Variants in ZNF551 observed in about 807,000 individuals in gnomAD.
ZNF551 encodes the protein zinc finger protein 551, also known as KOX 23 protein (56 AA).
Under a neutral mutation model 7.9 loss-of-function variants are expected in ZNF551, and 5 were observed. The ratio of observed to expected loss-of-function variants is 0.63; its 90% CI spans 0.33 to 1.33. The LOEUF is 1.33. Ranked by LOEUF, ZNF551 falls within the 40% of genes most tolerant of loss-of-function variation. ZNF551 has a pLI of 0.05. For missense variants in ZNF551, 788 were observed against 825.2 expected (o/e 0.95, Z 0.55); for synonymous variants, 287 against 277.3 (o/e 1.03, Z -0.35).
At position 57,688,400 on chromosome 19, in the gene ZNF551, A is replaced by G; in HGVS notation, c.*112A>G. ...GCACCCACAGTGGGGTATTCTTCAT[A>G]AGTTTCAGGTATGTGGGAAGCTCTG... On this transcript the variant is annotated 3_prime_UTR_variant, in exon 3 of 3. Transcript: ENST00000282296. 1 of 1,413,718 alleles carries G rather than the reference A, an allele frequency of 7.1e-7. No individual in the cohort carries two copies. The allele number at this position is 1,413,718 out of a possible 1,614,324, so 87.6% of individuals were successfully genotyped here.
intron 2 of ZNF551, 71 bp from the exon 3 acceptor site, chr19:57,686,410 C>T: frequency 6.4e-7 from 1 of 1,557,970 alleles, no homozygotes; most frequent in East Asian, 2.3e-5. Context: ...GTGTCTCACA[C>T]ATTTTTGTGA....
In ZNF551 at chr19:57,690,506, G is replaced by A. The variant is rs1341250226; in HGVS notation, c.*2218G>A. ...TTTCTTCATGCTGTATAATTATTTT[G>A]AGATTCAAAAATGATGAATCTTTGT... On this transcript the variant is annotated 3_prime_UTR_variant, in exon 3 of 3. Coordinates refer to ENST00000282296, the MANE Select transcript of ZNF551 (RefSeq NM_138347.5). The A allele has an allele frequency of 6.6e-6, 1 of 151,884 alleles. No individual in the cohort carries two copies. Among genetic ancestry groups the A allele is most frequent in the Non-Finnish European group, 1.5e-5 (1 of 67,998 alleles). The allele number at this position is 151,884 out of a possible 1,614,324, so 9.4% of individuals were successfully genotyped here. A position where few individuals can be genotyped will look rare whatever the true frequency, so the allele number is the denominator to read the frequency against.
intron 1 of ZNF551, among the ~76,000 whole-genome samples, chr19:57,682,457 G>T (rs186166867): frequency 6.6e-6 from 1 of 151,934 alleles, no homozygotes; most frequent in African/African-American, 2.4e-5. Flanking sequence ...CGACTAAGCT[G>T]GGGGGGATTC....
In ZNF551 at chr19:57,685,341, A is replaced by T; in HGVS notation, c.161A>T (p.Tyr54Phe). Residue 54 changes from tyrosine (Y) to phenylalanine (F), a missense_variant, in exon 2 of 3, where the codon TAC (tyrosine) becomes TTC (phenylalanine). Transcript: ENST00000282296. ...CTTGATGAGTCTCAGAGGTTCCTGTACTGCGATGTGATGCTGGAGAACTTT... is the reference window on the plus strand; with the variant it reads ...CTTGATGAGTCTCAGAGGTTCCTGTTCTGCGATGTGATGCTGGAGAACTTT... ...ELLDESQRFL[Y>F]CDVMLENFAH... The T allele has an allele frequency of 6.2e-7, 1 of 1,614,166 alleles. No individual in the cohort carries two copies. The highest frequency in any genetic ancestry group is 8.5e-7 in the Non-Finnish European group (1 of 1,180,006).
In ZNF551 at chr19:57,688,151, C is replaced by T; in HGVS notation, c.1876C>T (p.His626Tyr). The part of the protein sequence containing the change: ...ECSQCGKPFT[H>Y]KSDLIQHQRV... ...CAGTCAATGTGGGAAACCCTTTACC[C>T]ACAAATCAGACCTTATTCAGCACCA... Residue 626 changes from histidine to tyrosine, a missense_variant, in exon 3 of 3, where the codon CAC becomes TAC. His to Tyr is a moderately conservative substitution (Grantham distance 83, BLOSUM62 2). Coordinates refer to ENST00000282296, the MANE Select transcript of ZNF551 (RefSeq NM_138347.5). 1 of 1,613,894 alleles carries T rather than the reference C, an allele frequency of 6.2e-7. No homozygotes were observed. The highest frequency in any genetic ancestry group is 8.5e-7 in the Non-Finnish European group (1 of 1,179,970).
At position 57,687,162 on chromosome 19, in the gene ZNF551, TACAC is replaced by T; in HGVS notation, c.889_892del (p.His297ArgfsTer2). The T allele has an allele frequency of 6.2e-7, 1 of 1,614,180 alleles. No individual in the cohort carries two copies. The highest frequency in any genetic ancestry group is 8.5e-7 in the Non-Finnish European group (1 of 1,180,036). ...TTTAGCAAAAAGTGCCACCTAATCT[TACAC>T]AAGATAATTCACACTGGAGAAAGGC... On this transcript the variant is annotated frameshift_variant, in exon 3 of 3. Transcript: ENST00000282296. LOFTEE classifies it low-confidence loss of function (END_TRUNC).
At position 57,687,080 on chromosome 19, in the gene ZNF551, C is replaced by T. The variant is rs1305047852; in HGVS notation, c.805C>T (p.His269Tyr). 2 of 1,614,212 alleles carry T rather than the reference C, an allele frequency of 1.2e-6. No homozygotes were observed. Among genetic ancestry groups the T allele is most frequent in the Middle Eastern group, 1.6e-4 (1 of 6,062 alleles). ...AFTCKNTLVQ[H>Y]QQIHTGQKMF... is the part of the protein sequence containing the mutation. ...CACTTGCAAGAACACACTTGTTCAG[C>T]ACCAGCAAATTCACACTGGACAAAA... The change falls in exon 3 of 3, where the codon CAC (histidine) becomes TAC (tyrosine). Residue 269 changes from histidine (H) to tyrosine (Y), a missense_variant. His to Tyr is a moderately conservative substitution (Grantham distance 83, BLOSUM62 2). Coordinates refer to ENST00000282296, the MANE Select transcript of ZNF551 (RefSeq NM_138347.5).
Position 57,687,253 on chromosome 19 carries a change from G to C in ZNF551, c.978G>C (p.Gln326His). ...FIHKSEFIHH[Q>H]RRHTGGVRHE... ...ATAAATCTGAATTCATTCACCACCAGAGACGTCACACTGGAGGAGTGCGTC... is the reference window on the plus strand; with the variant it reads ...ATAAATCTGAATTCATTCACCACCACAGACGTCACACTGGAGGAGTGCGTC... Residue 326 changes from glutamine (Q) to histidine (H), a missense_variant, in exon 3 of 3, where the codon CAG (glutamine) becomes CAC (histidine). By Grantham distance (24) the Gln-to-His change is conservative (BLOSUM62 0). Transcript: ENST00000282296. 6.2e-7 allele frequency: 1 copy of C among 1,614,188 alleles called. No individual in the cohort carries two copies.
Position 57,688,462 on chromosome 19 carries a change from A to G in ZNF551, c.*174A>G, listed in dbSNP as rs1449832992. 12 of 897,174 alleles carry G rather than the reference A, an allele frequency of 1.3e-5. No individual in the cohort carries two copies. Among genetic ancestry groups the G allele is most frequent in the African/African-American group, 3.4e-5 (2 of 59,096 alleles). 55.6% of individuals were successfully genotyped at this position (897,174 alleles called of 1,614,324 possible). ...TGTAATTTCTAATCTGCCGAGGCCT[A>G]TAGCCTGATTTATGTCACTGCCAAT... is the stretch of plus-strand genomic sequence containing the variant. On this transcript the variant is annotated 3_prime_UTR_variant, in exon 3 of 3. Coordinates refer to ENST00000282296, the MANE Select transcript of ZNF551 (RefSeq NM_138347.5).
Position 57,687,978 on chromosome 19 carries a change from T to C in ZNF551, c.1703T>C (p.Phe568Ser), listed in dbSNP as rs1342441120. ...PYECSECGKS[F>S]SQSASLIQHQ... ...GAATGTAGTGAATGTGGAAAGTCTT[T>C]TAGCCAAAGTGCTAGCCTCATTCAA... Residue 568 changes from phenylalanine (F) to serine (S), a missense_variant, in exon 3 of 3, where the codon TTT becomes TCT. Phe to Ser is a radical substitution (Grantham distance 155). Transcript: ENST00000282296. 2.7e-5 allele frequency: 43 copies of C among 1,614,024 alleles called. No homozygotes were observed. The highest frequency in any genetic ancestry group is 3.6e-5 in the Non-Finnish European group (43 of 1,180,048).
rs753820236 is a variant in ZNF551, at chr19:57,686,464, C to T, written c.206-17C>T. 2.5e-6 allele frequency: 4 copies of T among 1,595,496 alleles called. No individual in the cohort carries two copies. In the South Asian group the frequency reaches 4.4e-5, roughly 18 times the overall value. On this transcript the variant is annotated splice_polypyrimidine_tract_variant and intron_variant, in intron 2 of 2. Transcript: ENST00000282296. ...TGAAAGTCAGCATGCATTTCATCAG[C>T]ATTTCTCTGCTTTCAGGTTATTGCC...
chr19:57,682,417 G>A (rs766678790), intron 1 of ZNF551, among the ~76,000 whole-genome samples, 173 bp downstream of exon 1: 5 of 152,204 alleles, frequency 3.3e-5, no homozygotes, highest in African/African-American at 4.8e-5. Flanking sequence ...GTGACGGGCA[G>A]TTGACTGGCG....
rs1044076225 is a variant in ZNF551 at position 57,690,366 on chromosome 19, G to A, written c.*2078G>A. The A allele has an allele frequency of 3.0e-5, 3 of 100,978 alleles. No homozygotes were observed. Among genetic ancestry groups the A allele is most frequent in the Admixed American group, 1.8e-4 (2 of 10,892 alleles). 6.3% of individuals were successfully genotyped at this position (100,978 alleles called of 1,614,324 possible). On this transcript the variant is annotated 3_prime_UTR_variant, in exon 3 of 3. Transcript: ENST00000282296. Reference sequence around the variant, plus strand: ...TTGCATTTTCTGGAGTTTTTACTGAGATACATACACACACACACACACACA... The same window carrying A: ...TTGCATTTTCTGGAGTTTTTACTGAAATACATACACACACACACACACACA...
chr19:57,683,003 A>G (rs1285441670), intron 1 of ZNF551, among the ~76,000 whole-genome samples: 7 of 152,214 alleles, frequency 4.6e-5, no homozygotes, highest in Non-Finnish European at 1.0e-4. Context: ...TCTTTTCATG[A>G]GAACAGGGAG....
chr19:57,687,747 T>C lies in ZNF551; in HGVS notation c.1472T>C (p.Ile491Thr). ...TCCTTTAGCCGCAAATTTATCCTGA[T>C]TCAACACCAAAGAGTTCACACTGGA... is the stretch of plus-strand genomic sequence containing the variant. ...EKSFSRKFILIQHQRVHTGER... is the reference protein window; with the variant it reads ...EKSFSRKFILTQHQRVHTGER... Residue 491 changes from isoleucine (I) to threonine (T), a missense_variant, in exon 3 of 3, where the codon ATT becomes ACT. By Grantham distance (89) the Ile-to-Thr change is moderately conservative (BLOSUM62 -1). Transcript: ENST00000282296. 6.2e-7 allele frequency: 1 copy of C among 1,614,198 alleles called. No homozygotes were observed. The highest frequency in any genetic ancestry group is 8.5e-7 in the Non-Finnish European group (1 of 1,180,032).
chr19:57,687,718 G>A lies in ZNF551; in HGVS notation c.1443G>A (p.Glu481=), dbSNP rs534095375. ...GDRPYECSEC[E]KSFSRKFILI... is the part of the protein sequence containing the mutation. Reference sequence around the variant, plus strand: ...GGCCTTATGAGTGCAGTGAATGTGAGAAATCCTTTAGCCGCAAATTTATCC... The same window carrying A: ...GGCCTTATGAGTGCAGTGAATGTGAAAAATCCTTTAGCCGCAAATTTATCC... Residue 481 remains glutamate, a synonymous_variant, in exon 3 of 3, where the codon GAG becomes GAA. Transcript: ENST00000282296. 1.2e-6 allele frequency: 2 copies of A among 1,614,118 alleles called. No individual in the cohort carries two copies. The highest frequency in any genetic ancestry group is 2.7e-5 in the African/African-American group (2 of 75,024).
chr19:57,685,392 C>A lies in ZNF551; in HGVS notation c.205+7C>A, dbSNP rs1461603163. On this transcript the variant is annotated splice_region_variant and intron_variant, in intron 2 of 2. Coordinates refer to ENST00000282296, the MANE Select transcript of ZNF551 (RefSeq NM_138347.5). The stretch of plus-strand genomic sequence containing the variant: ...GCACATGTAACATCCCTGGGTAAGG[C>A]CCTAGCATCCCTCCGAGTGTCTGCT... 1.2e-6 allele frequency: 2 copies of A among 1,613,984 alleles called. No homozygotes were observed. Among genetic ancestry groups the A allele is most frequent in the South Asian group, 2.2e-5 (2 of 91,082 alleles).
chr19:57,687,091 T>A lies in ZNF551; in HGVS notation c.816T>A (p.Ile272=). The stretch of plus-strand genomic sequence containing the variant: ...ACACACTTGTTCAGCACCAGCAAAT[T>A]CACACTGGACAAAAGATGTTTGAGT... The part of the protein sequence containing the change: ...CKNTLVQHQQ[I]HTGQKMFECS... The change falls in exon 3 of 3, where the codon ATT becomes ATA. Residue 272 remains isoleucine (I), a synonymous_variant. Transcript: ENST00000282296. 1 of 1,614,216 alleles carries A rather than the reference T, an allele frequency of 6.2e-7. No individual in the cohort carries two copies.
Position 57,686,647 on chromosome 19 carries a change from C to T in ZNF551, c.372C>T (p.Thr124=), listed in dbSNP as rs747821436. 2.5e-6 allele frequency: 4 copies of T among 1,614,198 alleles called. No individual in the cohort carries two copies. Among genetic ancestry groups the T allele is most frequent in the South Asian group, 2.2e-5 (2 of 91,086 alleles). Residue 124 remains threonine, a synonymous_variant, in exon 3 of 3, where the codon ACC becomes ACT. Coordinates refer to ENST00000282296, the MANE Select transcript of ZNF551 (RefSeq NM_138347.5). ...TTTTGCCTGCGGCTGAGCACCAAAC[C>T]ACATCCCCTGTGCAAAAGTCATACT... The part of the protein sequence containing the change: ...KDILPAAEHQ[T]TSPVQKSYLG...
Sources: allele counts gnomAD v4.1 joint callset (sites outside exome capture counted in the v4.1 genomes callset), GRCh38; gene constraint gnomAD v4.1.1; transcripts MANE v1.5; gene names NCBI Gene and HGNC (gene_info 2026-07-23, HGNC 2026-07-21).